The following OFD1 variants were observed in gnomAD, a reference collection of about 807,000 sequenced individuals.
The protein encoded by OFD1 is centriole and centriolar satellite protein OFD1.
Under a neutral mutation model 81.4 loss-of-function variants are expected in OFD1, and 12 were observed. The observed-to-expected ratio is 0.15, with a 90% CI of 0.09 to 0.24. The LOEUF (loss-of-function observed/expected upper bound fraction) is 0.24, where lower values mean the gene tolerates loss of function less well. Among genes scored for constraint, OFD1 ranks in the 10% least tolerant of loss-of-function variants. The pLI is 1.00. For synonymous variants in OFD1, 256 were observed against 263.7 expected (o/e 0.97, Z 0.28); for missense variants, 685 against 733.9 (o/e 0.93, Z 0.77).
chrX:13,730,408 C>T (rs1012627643), upstream of OFD1, among the ~76,000 whole-genome samples: 8 of 111,825 alleles, frequency 7.2e-5, no homozygotes, highest in African/African-American at 2.6e-4. Context: ...ATTAAAAAGT[C>T]AGGAAATAAC....
upstream of OFD1, chrX:13,734,451 C>G (rs2046764559): frequency 4.4e-6 from 1 of 228,469 alleles, no homozygotes; most frequent in African/African-American, 2.9e-5. Context: ...CCAACATCCG[C>G]GTCACGCAGG....
intron 20 of OFD1, 146 bp downstream of exon 20, chrX:13,767,430 C>G (rs914224030): frequency 3.5e-6 from 2 of 571,987 alleles, no homozygotes; most frequent in Non-Finnish European, 6.0e-6. Context: ...CTCTCCTTGT[C>G]TTAAAAGCAG....
chrX:13,731,026 C>G (rs2046666546), upstream of OFD1, among the ~76,000 whole-genome samples: 1 of 111,355 alleles, frequency 9.0e-6, no homozygotes, highest in Non-Finnish European at 1.9e-5. Context: ...TGTATCAAAC[C>G]TGCATGTTGT....
At position 13,755,946 on chromosome X, in the gene OFD1, CT is replaced by C. The variant is rs34300430; in HGVS notation, c.1222-610del. On this transcript the variant is annotated intron_variant, in intron 12 of 22. Transcript: ENST00000340096. The stretch of plus-strand genomic sequence containing the variant: ...ACAGAATCTTTTTTCCTTTCTTTCC[CT>C]TTTTTTTTTTTTTTTTTTTTTGAGA... 9.2e-3 allele frequency among the ~76,000 whole-genome samples: 596 copies of C among 65,059 alleles called. 4 individuals carry two copies. Among genetic ancestry groups the C allele is most frequent in the African/African-American group, 0.032 (480 of 15,195 alleles). The allele number at this position is 65,059 out of a possible 115,157, so 56.5% of individuals were successfully genotyped here.
upstream of OFD1, chrX:13,733,956 T>C: frequency 2.0e-6 from 1 of 508,930 alleles, no homozygotes; most frequent in Admixed American, 2.7e-5. Flanking sequence ...TGTTCAATTC[T>C]CTGGCTGTAA....
At chrX:13,730,447 G>T (rs2046650271), upstream of OFD1, among the ~76,000 whole-genome samples, 1 of 111,906 alleles carries the variant, frequency 8.9e-6, no homozygotes, top group Non-Finnish European at 1.9e-5. Context: ...GGAGAAATAG[G>T]AACACTTTTA....
chrX:13,738,097 C>T (rs2046943382), intron 3 of OFD1, among the ~76,000 whole-genome samples: 1 of 112,042 alleles, frequency 8.9e-6, no homozygotes, highest in Admixed American at 9.4e-5. Context: ...GATCTGCCCA[C>T]CTCAATCTCC....
downstream of OFD1, chrX:13,772,626 C>T (rs1285350636): frequency 3.3e-6 from 1 of 304,663 alleles, no homozygotes; most frequent in African/African-American, 2.6e-5. Context: ...CACAAATTCC[C>T]AAAGTATGAA....
chrX:13,734,694 C>T (rs951533055), upstream of OFD1: 2 of 963,698 alleles, frequency 2.1e-6, no homozygotes, highest in Non-Finnish European at 2.6e-6. Context: ...GCTCATGCGC[C>T]GTAGCTCTTC....
Position 13,748,853 on chromosome X carries a change from T to C in OFD1, c.829-574T>C, listed in dbSNP as rs773177670. Among the ~76,000 whole-genome samples the C allele has an allele frequency of 6.7e-4, 75 of 111,527 alleles. No individual in the cohort carries two copies. The South Asian group carries it at 0.027, about 40-fold the overall frequency. On this transcript the variant is annotated intron_variant, in intron 8 of 22. Coordinates refer to ENST00000340096, the MANE Select transcript of OFD1 (RefSeq NM_003611.3). ...AGGTAAGGGCGCCAGGTGTGGTGGC[T>C]CATGCTTGTAGTCCCAGCACCTTGG...
chrX:13,717,655 C>T, the OFD1 span, among the ~76,000 whole-genome samples: 1 of 110,812 alleles, frequency 9.0e-6, no homozygotes, highest in East Asian at 2.8e-4. Flanking sequence ...AGGAGAATTG[C>T]TTGAACCTGG....
chrX:13,773,241 C>A, downstream of OFD1: 2 of 277,953 alleles, frequency 7.2e-6, no homozygotes, highest in Non-Finnish European at 1.3e-5. Context: ...AGTATACAAA[C>A]ATAGTGAACT....
chrX:13,773,269 G>A, downstream of OFD1: 1 of 261,536 alleles, frequency 3.8e-6, no homozygotes, highest in Non-Finnish European at 6.7e-6. Context: ...AATGGCCAAA[G>A]GTATTGTTAA....
In OFD1 at chrX:13,751,365, T is replaced by A; in HGVS notation, c.1052T>A (p.Leu351Gln). ...GACCGAAAGCTCAAGAATGAACTTC[T>A]AAAGTAATTGTTTAGCATTTTTAAA... ...TYDRKLKNEL[L>Q]KYQLELKDDY... Residue 351 changes from leucine to glutamine, a missense_variant, in exon 10 of 23, where the codon CTA (leucine) becomes CAA (glutamine). By Grantham distance (113) the Leu-to-Gln change is moderately radical (BLOSUM62 -2). Around this residue, in one of 3 missense-constraint regions of OFD1, gnomAD observed 414 missense variants for 447.2 expected, o/e 0.93. Coordinates refer to ENST00000340096, the MANE Select transcript of OFD1 (RefSeq NM_003611.3). 8.4e-7 allele frequency: 1 copy of A among 1,195,042 alleles called. No homozygotes were observed. Among genetic ancestry groups the A allele is most frequent in the Non-Finnish European group, 1.1e-6 (1 of 882,026 alleles).
intron 19 of OFD1, among the ~76,000 whole-genome samples, chrX:13,766,500 G>A (rs761017328): frequency 6.3e-5 from 7 of 111,409 alleles, no homozygotes; most frequent in South Asian, 3.8e-4. Context: ...AAATGTGGAC[G>A]CGAGGCTAGG....
At chrX:13,763,629 A>G in intron 18 of OFD1, 116 bp from the exon 19 acceptor site, 2 of 559,961 alleles carry the variant, frequency 3.6e-6, no homozygotes, top group African/African-American at 4.4e-5. Flanking sequence ...GAAAGGGCGC[A>G]CCCAGTTACT....
intron 9 of OFD1, among the ~76,000 whole-genome samples, chrX:13,750,433 T>C (rs1334882112): frequency 9.0e-6 from 1 of 111,714 alleles, no homozygotes; most frequent in Non-Finnish European, 1.9e-5. Flanking sequence ...CTTAGACTAG[T>C]CAGCATTTTG....
intron 5 of OFD1, chrX:13,739,296 C>CAAAA (rs751700372): frequency 1.1e-4 from 12 of 113,813 alleles, no homozygotes; most frequent in East Asian, 3.0e-4. Flanking sequence ...AATATTTCTG[C>CAAAA]AAAAAAAAAA....
rs764478757 is a variant in OFD1 at position 13,734,940 on chromosome X, G to A, written c.-132G>A. 139 of 1,116,837 alleles carry A rather than the reference G, an allele frequency of 1.2e-4. No homozygotes were observed. Among genetic ancestry groups the A allele is most frequent in the Non-Finnish European group, 1.6e-4 (136 of 855,685 alleles). The allele number at this position is 1,116,837 out of a possible 1,213,427, so 92.0% of individuals were successfully genotyped here. A position where few individuals can be genotyped will look rare whatever the true frequency, so the allele number is the denominator to read the frequency against. Reference sequence around the variant, plus strand: ...AACGTTCAGCACCTTTGTTCCTCCCGAACCCTCGGGACAGAGGCAGGGTTC... The same window carrying A: ...AACGTTCAGCACCTTTGTTCCTCCCAAACCCTCGGGACAGAGGCAGGGTTC... On this transcript the variant is annotated 5_prime_UTR_variant, in exon 1 of 23. Coordinates refer to ENST00000340096, the MANE Select transcript of OFD1 (RefSeq NM_003611.3).
Sources: gnomAD v4.1 joint callset for allele counts (sites outside exome capture counted in the v4.1 genomes callset) on GRCh38, gnomAD v4.1.1 for gene constraint, gnomAD v4.1.1 regional missense constraint, MANE v1.5 for transcripts, NCBI Gene and HGNC (gene_info 2026-07-23, HGNC 2026-07-21) for gene names.